Variants in CETN3 observed in about 807,000 individuals in gnomAD.
CETN3 encodes centrin-3.
A neutral mutation model predicts 20.1 loss-of-function variants in CETN3; 17 were observed. That is an observed-to-expected ratio of 0.85 (90% CI 0.58 to 1.27). The LOEUF (loss-of-function observed/expected upper bound fraction) is 1.27, where lower values mean the gene tolerates loss of function less well. Among genes scored for constraint, CETN3 ranks in the 50% most tolerant of loss-of-function variants. The pLI, the probability that CETN3 is intolerant of heterozygous loss-of-function variation, is 0.00. For missense variants in CETN3, 169 were observed against 191.2 expected, an observed-to-expected ratio of 0.88 and a Z score of 0.69; for synonymous variants, 52 against 59.7, an observed-to-expected ratio of 0.87 and a Z score of 0.59.
Position 90,393,149 on chromosome 5 carries a change from G to A in CETN3, c.*915C>T, listed in dbSNP as rs1324035954. 1 of 152,126 alleles carries A rather than the reference G, an allele frequency of 6.6e-6. No individual in the cohort carries two copies. Among genetic ancestry groups the A allele is most frequent in the Admixed American group, 6.6e-5 (1 of 15,266 alleles). The allele number at this position is 152,126 out of a possible 1,614,324, so 9.4% of individuals were successfully genotyped here. A position where few individuals can be genotyped will look rare whatever the true frequency, so the allele number is the denominator to read the frequency against. ...TTCTACAAGGCAGAAGAGCCCACCA[G>A]TACTTGGAAACTGTGTCTCTACTAT... On this transcript the variant is annotated 3_prime_UTR_variant, in exon 5 of 5. Coordinates refer to ENST00000283122, the MANE Select transcript of CETN3 (RefSeq NM_004365.4).
intron 3 of CETN3, among the ~76,000 whole-genome samples, chr5:90,402,369 A>G (rs1177596726): frequency 1.3e-5 from 2 of 152,100 alleles, no homozygotes; most frequent in Non-Finnish European, 2.9e-5. Context: ...GACTTTACCA[A>G]TCTGGCCCAA....
In CETN3 at chr5:90,407,828, C is replaced by G; in HGVS notation, c.24G>C (p.Glu8Asp). The G allele has an allele frequency of 6.3e-7, 1 of 1,582,610 alleles. No homozygotes were observed. The highest frequency in any genetic ancestry group is 1.2e-5 in the South Asian group (1 of 83,986). MSLALRS[E>D]LVVDKTKRKK... Reference sequence around the variant, plus strand: ...TCCTCTTTGTTTTGTCCACTACAAGCTCACTTCTATGAAATGGAAAGAAAA... The same window carrying G: ...TCCTCTTTGTTTTGTCCACTACAAGGTCACTTCTATGAAATGGAAAGAAAA... The change falls in exon 2 of 5, where the codon GAG becomes GAC. Residue 8 changes from glutamate to aspartate, a missense_variant. Glu to Asp is a conservative substitution (Grantham distance 45). Coordinates refer to ENST00000283122, the MANE Select transcript of CETN3 (RefSeq NM_004365.4).
rs1749580970 is a variant in CETN3 at position 90,409,744 on chromosome 5, A to C, written c.-83T>G. On this transcript the variant is annotated 5_prime_UTR_variant, in exon 1 of 5. Coordinates refer to ENST00000283122, the MANE Select transcript of CETN3 (RefSeq NM_004365.4). ...AGCAAGACGCCCACAGCCGTTCAAC[A>C]GACACGAACGACCTCAGCGGCCTCA... The C allele has an allele frequency of 6.5e-7, 1 of 1,540,756 alleles. No individual in the cohort carries two copies. The highest frequency in any genetic ancestry group is 1.1e-5 in the South Asian group (1 of 89,654).
At chr5:90,403,850 G>A (rs376973576) in intron 3 of CETN3, among the ~76,000 whole-genome samples, 183 of 110,980 alleles carry the variant, frequency 1.6e-3, no homozygotes, top group Middle Eastern at 8.8e-3. Context: ...CAGCCTGGGC[G>A]ACAGAGCGAG....
chr5:90,395,958 A>G lies in CETN3; in HGVS notation c.461-1851T>C, dbSNP rs1440467129. 4.3e-6 allele frequency: 4 copies of G among 921,792 alleles called. No homozygotes were observed. The East Asian group carries it at 3.5e-4, about 81-fold the overall frequency. The allele number at this position is 921,792 out of a possible 1,614,324, so 57.1% of individuals were successfully genotyped here. On this transcript the variant is annotated intron_variant, in intron 4 of 4. Coordinates refer to ENST00000283122, the MANE Select transcript of CETN3 (RefSeq NM_004365.4). ...TAGTCAGTTTTTATACTTGAAACAGAACAAATGTTTTATAACACAAAATAC... is the reference window on the plus strand; with the variant it reads ...TAGTCAGTTTTTATACTTGAAACAGGACAAATGTTTTATAACACAAAATAC...
At chr5:90,402,437 A>G (rs923446050) in intron 3 of CETN3, among the ~76,000 whole-genome samples, 4 of 152,136 alleles carry the variant, frequency 2.6e-5, no homozygotes, top group African/African-American at 9.7e-5. Context: ...AGTTTCCCAA[A>G]CATGCTATCC....
rs1052953125 is a variant in CETN3 at position 90,393,536 on chromosome 5, T to A, written c.*528A>T. 2 of 152,362 alleles carry A rather than the reference T, an allele frequency of 1.3e-5. No homozygotes were observed. The highest frequency in any genetic ancestry group is 2.9e-5 in the Non-Finnish European group (2 of 68,194). The allele number at this position is 152,362 out of a possible 1,614,324, so 9.4% of individuals were successfully genotyped here. On this transcript the variant is annotated 3_prime_UTR_variant, in exon 5 of 5. Transcript: ENST00000283122. Reference sequence around the variant, plus strand: ...AGGCTTATATTGAGTCAGCTTGTATTAAAATATAGAATGTCAAAATTGATG... The same window carrying A: ...AGGCTTATATTGAGTCAGCTTGTATAAAAATATAGAATGTCAAAATTGATG...
At chr5:90,400,007 A>G (rs1749241305) in intron 3 of CETN3, among the ~76,000 whole-genome samples, 1 of 152,228 alleles carries the variant, frequency 6.6e-6, no homozygotes, top group Non-Finnish European at 1.5e-5. Context: ...ATTCTTCCTC[A>G]AATTTAATCC....
rs368046753 is a variant in CETN3, at chr5:90,409,603, G to A, written c.17+42C>T. On this transcript the variant is annotated intron_variant, in intron 1 of 4. Coordinates refer to ENST00000283122, the MANE Select transcript of CETN3 (RefSeq NM_004365.4). ...TCCACACACACCCTCCCTGGGCCCC[G>A]CTCCGGGGTGTGGAGAGCACTGCCG... 5.3e-5 allele frequency: 86 copies of A among 1,612,376 alleles called. 1 individual carries two copies. In the African/African-American group the frequency reaches 1.0e-3, roughly 19 times the overall value.
chr5:90,399,185 T>C, intron 4 of CETN3, 173 bp downstream of exon 4: 1 of 637,328 alleles, frequency 1.6e-6, no homozygotes, highest in Non-Finnish European at 2.7e-6. Flanking sequence ...GTATAATTGG[T>C]TTTAGAGATC....
chr5:90,399,328 C>T, intron 4 of CETN3, 30 bp downstream of exon 4: 2 of 1,608,386 alleles, frequency 1.2e-6, no homozygotes, highest in East Asian at 4.5e-5. Context: ...ATCAGGAAAA[C>T]CTGGAAAATA....
Position 90,407,698 on chromosome 5 carries a change from C to T in CETN3, c.153+1G>A. Reference sequence around the variant, plus strand: ...ACAAATATTTTAAAGTATACCATTACCTTTAATTCATGATAATCTATTGCT... The same window carrying T: ...ACAAATATTTTAAAGTATACCATTATCTTTAATTCATGATAATCTATTGCT... On this transcript the variant is annotated splice_donor_variant, in intron 2 of 4. Transcript: ENST00000283122. LOFTEE classifies it high-confidence loss of function. 9 of 1,502,924 alleles carry T rather than the reference C, an allele frequency of 6.0e-6. No homozygotes were observed. Among genetic ancestry groups the T allele is most frequent in the South Asian group, 1.3e-5 (1 of 75,942 alleles). The allele number at this position is 1,502,924 out of a possible 1,614,324, so 93.1% of individuals were successfully genotyped here.
chr5:90,395,290 T>G (rs1194778661), intron 4 of CETN3, among the ~76,000 whole-genome samples: 1 of 152,162 alleles, frequency 6.6e-6, no homozygotes, highest in East Asian at 1.9e-4. Context: ...TGGAATACAT[T>G]AAAACCGAAA....
At chr5:90,396,039 G>C in intron 4 of CETN3, 2 of 903,984 alleles carry the variant, frequency 2.2e-6, no homozygotes, top group Non-Finnish European at 2.6e-6. Context: ...CTTCACAATG[G>C]TAAAAATTAT....
intron 2 of CETN3, 117 bp downstream of exon 2, chr5:90,407,582 C>T: frequency 1.5e-6 from 1 of 666,908 alleles, no homozygotes; most frequent in Non-Finnish European, 2.2e-6. Context: ...CTTAAAATGC[C>T]TTCATAGTTC....
chr5:90,396,459 T>C (rs1335972031), intron 4 of CETN3: 7 of 1,524,252 alleles, frequency 4.6e-6, no homozygotes, highest in Non-Finnish European at 6.1e-6. Context: ...AGTTCAAATA[T>C]ATAAAATTAT....
chr5:90,399,435 C>CT lies in CETN3; in HGVS notation c.382dup (p.Arg128LysfsTer5), dbSNP rs1205835979. 9.3e-6 allele frequency: 15 copies of CT among 1,613,938 alleles called. No individual in the cohort carries two copies. The highest frequency in any genetic ancestry group is 1.7e-5 in the Admixed American group (1 of 60,006). On this transcript the variant is annotated frameshift_variant, in exon 4 of 5. Transcript: ENST00000283122. LOFTEE classifies it high-confidence loss of function. ...ATCACTCATGTTTTCACCCAATTCT[C>CT]TAGCAACACGTCGCAAATTCCTCAA...
intron 3 of CETN3, among the ~76,000 whole-genome samples, chr5:90,400,628 A>G (rs929871495): frequency 6.6e-6 from 1 of 151,080 alleles, no homozygotes; most frequent in Non-Finnish European, 1.5e-5. Flanking sequence ...GATGGAAAAT[A>G]CTGGAATGTT....
At chr5:90,408,155 AAACTCCAACC>A (rs908954906) in intron 1 of CETN3, among the ~76,000 whole-genome samples, 1 of 152,188 alleles carries the variant, frequency 6.6e-6, no homozygotes, top group Non-Finnish European at 1.5e-5. Flanking sequence ...TTTATGTCTG[AAACTCCAACC>A]AACTCCAACC....
Sources: allele counts gnomAD v4.1 joint callset (sites outside exome capture counted in the v4.1 genomes callset), GRCh38; gene constraint gnomAD v4.1.1; transcripts MANE v1.5; gene names NCBI Gene and HGNC (gene_info 2026-07-23, HGNC 2026-07-21).